The following EPRS1 variants were observed in gnomAD, a reference collection of about 807,000 sequenced individuals.
The protein encoded by EPRS1 is bifunctional glutamate/proline--tRNA ligase.
Under a neutral mutation model 188.3 loss-of-function variants are expected in EPRS1, and 107 were observed. The ratio of observed to expected loss-of-function variants is 0.57; its 90% CI spans 0.49 to 0.67. The LOEUF (loss-of-function observed/expected upper bound fraction) is 0.67. Ranked by LOEUF, EPRS1 falls within the 30% of genes least tolerant of loss-of-function variation. The pLI is 0.00. For missense variants in EPRS1, 1,577 were observed against 1,802.2 expected (o/e 0.88, Z 2.26); for synonymous variants, 596 against 593.1 (o/e 1.00, Z -0.07).
At chr1:220,036,633 C>T (rs2577164) in intron 2 of EPRS1, among the ~76,000 whole-genome samples, 96,214 of 151,906 alleles carry the variant, frequency 0.63, 32,173 homozygotes, top group Non-Finnish European at 0.75. Flanking sequence ...AGCTTAACGA[C>T]GAGAACACAT....
intron 13 of EPRS1, among the ~76,000 whole-genome samples, chr1:220,009,496 G>C (rs1487732657): frequency 6.6e-6 from 1 of 151,834 alleles, no homozygotes; most frequent in Non-Finnish European, 1.5e-5. Context: ...TACCAGCCTT[G>C]GCAACATGGT....
rs1438900519 is a variant in EPRS1 at position 219,980,070 on chromosome 1, G to A, written c.3711+15C>T. 1.2e-6 allele frequency: 2 copies of A among 1,611,450 alleles called. No individual in the cohort carries two copies. The highest frequency in any genetic ancestry group is 2.2e-5 in the East Asian group (1 of 44,824). On this transcript the variant is annotated intron_variant, in intron 26 of 31. Coordinates refer to ENST00000366923, the MANE Select transcript of EPRS1 (RefSeq NM_004446.3). Reference sequence around the variant, plus strand: ...GCTTACAGTGACCTACGAATCCTGTGTGGCAGTTTGATACCTGGATAGCTC... The same window carrying A: ...GCTTACAGTGACCTACGAATCCTGTATGGCAGTTTGATACCTGGATAGCTC...
At chr1:220,045,150 G>T (rs902688119) in intron 1 of EPRS1, among the ~76,000 whole-genome samples, 3 of 152,060 alleles carry the variant, frequency 2.0e-5, no homozygotes, top group Admixed American at 6.6e-5. Context: ...TAAAGGTATG[G>T]GCTTCTTCAA....
Position 219,987,484 on chromosome 1 carries a change from T to C in EPRS1, c.2776-80A>G. 4 of 1,207,032 alleles carry C rather than the reference T, an allele frequency of 3.3e-6. No individual in the cohort carries two copies. In the South Asian group the frequency reaches 4.6e-5, roughly 14 times the overall value. 74.8% of individuals were successfully genotyped at this position (1,207,032 alleles called of 1,614,324 possible). ...TCTAAGCACACTTAAACAAATACAA[T>C]GCTCAAAGCTTTCTTTTTTCCGCCA... On this transcript the variant is annotated intron_variant, in intron 19 of 31. Transcript: ENST00000366923.
At position 220,033,633 on chromosome 1, in the gene EPRS1, G is replaced by T; in HGVS notation, c.257C>A (p.Ala86Asp). Residue 86 changes from alanine to aspartate, a missense_variant, in exon 4 of 32, where the codon GCT becomes GAT. Physicochemically the swap from Ala to Asp is moderately radical, Grantham distance 126. This residue lies in a region of EPRS1 where 1,278 missense variants were observed against 1,457.4 expected (regional missense o/e 0.88). Transcript: ENST00000366923. Reference sequence around the variant, plus strand: ...GGAATCACATGAAGATAATTTTGTAGCACTGAACTCCAACCAGTGATCAAT... The same window carrying T: ...GGAATCACATGAAGATAATTTTGTATCACTGAACTCCAACCAGTGATCAAT... The part of the protein sequence containing the change: ...TEIDHWLEFS[A>D]TKLSSCDSFT... 1 of 1,607,208 alleles carries T rather than the reference G, an allele frequency of 6.2e-7. No individual in the cohort carries two copies. The highest frequency in any genetic ancestry group is 8.5e-7 in the Non-Finnish European group (1 of 1,174,402).
chr1:220,039,296 G>T (rs374455267), intron 2 of EPRS1, among the ~76,000 whole-genome samples: 1 of 152,086 alleles, frequency 6.6e-6, no homozygotes, highest in South Asian at 2.1e-4. Flanking sequence ...CTGGGAGTAG[G>T]CCAGTCCAAT....
At chr1:220,009,236 T>C (rs901579523) in intron 13 of EPRS1, among the ~76,000 whole-genome samples, 4 of 152,158 alleles carry the variant, frequency 2.6e-5, no homozygotes, top group African/African-American at 9.7e-5. Context: ...AAAAAGTAGA[T>C]AATGACATAC....
chr1:220,046,502 C>T lies in EPRS1; in HGVS notation c.-114G>A. 3.3e-6 allele frequency: 5 copies of T among 1,512,664 alleles called. No individual in the cohort carries two copies. Among genetic ancestry groups the T allele is most frequent in the Non-Finnish European group, 3.5e-6 (4 of 1,130,492 alleles). The allele number at this position is 1,512,664 out of a possible 1,614,324, so 93.7% of individuals were successfully genotyped here. A position where few individuals can be genotyped will look rare whatever the true frequency, so the allele number is the denominator to read the frequency against. On this transcript the variant is annotated 5_prime_UTR_variant, in exon 1 of 32. Coordinates refer to ENST00000366923, the MANE Select transcript of EPRS1 (RefSeq NM_004446.3). Reference sequence around the variant, plus strand: ...TGCGCGTACCCGACGCCGCCGCAGCCTTCGCTCCGCCCCTGCGCCGCAGCT... The same window carrying T: ...TGCGCGTACCCGACGCCGCCGCAGCTTTCGCTCCGCCCCTGCGCCGCAGCT...
Position 220,007,065 on chromosome 1 carries a change from A to C in EPRS1, c.1742+137T>G, listed in dbSNP as rs972747025. Reference sequence around the variant, plus strand: ...GGAAAAAAATTTAACTTGTGTCCAGAATTTGCAGTAGCTATGTCTGGGCAG... The same window carrying C: ...GGAAAAAAATTTAACTTGTGTCCAGCATTTGCAGTAGCTATGTCTGGGCAG... On this transcript the variant is annotated intron_variant, in intron 14 of 31. Coordinates refer to ENST00000366923, the MANE Select transcript of EPRS1 (RefSeq NM_004446.3). The C allele has an allele frequency of 1.5e-5, 9 of 617,792 alleles. No homozygotes were observed. The African/African-American group carries it at 1.7e-4, about 12-fold the overall frequency. The allele number at this position is 617,792 out of a possible 1,614,324, so 38.3% of individuals were successfully genotyped here.
At chr1:220,042,071 C>A (rs902019001) in intron 1 of EPRS1, among the ~76,000 whole-genome samples, 2 of 151,258 alleles carry the variant, frequency 1.3e-5, no homozygotes, top group Admixed American at 1.3e-4. Context: ...GTCCCAGCTA[C>A]TTGGGAGGCT....
At chr1:219,989,260 C>T (rs1661073497) in intron 18 of EPRS1, among the ~76,000 whole-genome samples, 1 of 152,012 alleles carries the variant, frequency 6.6e-6, no homozygotes, top group Admixed American at 6.6e-5. Context: ...TTGGGTCCAA[C>T]TAATGAATAG....
intron 30 of EPRS1, among the ~76,000 whole-genome samples, chr1:219,969,900 A>T (rs1267314140): frequency 1.3e-5 from 2 of 152,086 alleles, no homozygotes; most frequent in Admixed American, 1.3e-4. Context: ...GGCTCATTGC[A>T]ACCTCTGCCT....
Position 220,044,681 on chromosome 1 carries a change from C to CAAAAAAAAAAAAAAAAAAAA in EPRS1, c.46+1642_46+1661dup, listed in dbSNP as rs71560597. Among the ~76,000 whole-genome samples the CAAAAAAAAAAAAAAAAAAAA allele has an allele frequency of 7.9e-5, 7 of 88,344 alleles. 1 individual carries two copies. The highest frequency in any genetic ancestry group is 2.9e-4 in the African/African-American group (7 of 24,122). The allele number at this position is 88,344 out of a possible 152,430, so 58.0% of individuals were successfully genotyped here. ...CAGAGGTTGCAATGAGCTCGGTCTC[C>CAAAAAAAAAAAAAAAAAAAA]AAAAAAAAAAAAAAAAAAAAAAAAA... On this transcript the variant is annotated intron_variant, in intron 1 of 31. Transcript: ENST00000366923.
intron 30 of EPRS1, among the ~76,000 whole-genome samples, chr1:219,970,826 A>T (rs1660652171): frequency 1.3e-5 from 2 of 151,828 alleles, no homozygotes; most frequent in Admixed American, 1.3e-4. Context: ...AACTACAGAA[A>T]CCAGAAAGGT....
At chr1:219,980,975 C>G (rs1352767394) in intron 24 of EPRS1, 118 bp from the exon 25 acceptor site, 1 of 634,806 alleles carries the variant, frequency 1.6e-6, no homozygotes, top group Non-Finnish European at 2.8e-6. Flanking sequence ...TCATGACTCA[C>G]TGAAACCTCT....
In EPRS1 at chr1:219,980,318, A is replaced by T; in HGVS notation, c.3556-78T>A. On this transcript the variant is annotated intron_variant, in intron 25 of 31. Coordinates refer to ENST00000366923, the MANE Select transcript of EPRS1 (RefSeq NM_004446.3). ...AAGATCTATAAAACTGCACTACTTA[A>T]GACTAATTGTGTGGGAAAAGCAATC... 3.7e-6 allele frequency: 4 copies of T among 1,094,228 alleles called. No homozygotes were observed. The South Asian group carries it at 6.1e-5, about 17-fold the overall frequency. 67.8% of individuals were successfully genotyped at this position (1,094,228 alleles called of 1,614,324 possible).
intron 18 of EPRS1, among the ~76,000 whole-genome samples, chr1:219,993,948 T>A (rs1389485709): frequency 1.3e-5 from 2 of 152,240 alleles, no homozygotes; most frequent in Non-Finnish European, 1.5e-5. Flanking sequence ...TAGTACACAG[T>A]GCCAGATGCA....
intron 6 of EPRS1, among the ~76,000 whole-genome samples, chr1:220,026,469 C>T (rs1661974380): frequency 6.6e-6 from 1 of 152,066 alleles, no homozygotes; most frequent in African/African-American, 2.4e-5. Flanking sequence ...CTTTCACCAA[C>T]TTGTATTAGT....
chr1:220,028,930 G>A (rs2577146), intron 6 of EPRS1, among the ~76,000 whole-genome samples: 121,962 of 152,042 alleles, frequency 0.8, 49,078 homozygotes, highest in East Asian at 0.93. Flanking sequence ...TTATATTCCT[G>A]ACCCCAAAAC....
Sources: allele counts gnomAD v4.1 joint callset (sites outside exome capture counted in the v4.1 genomes callset), GRCh38; gene constraint gnomAD v4.1.1; regional missense constraint gnomAD v4.1.1; transcripts MANE v1.5; gene names NCBI Gene and HGNC (gene_info 2026-07-23, HGNC 2026-07-21).